Variants in SEC14L3 observed in about 807,000 individuals in gnomAD.
The protein encoded by SEC14L3 is SEC14 like lipid binding 3, also known as SEC14-like protein 3.
Under a neutral mutation model 57.4 loss-of-function variants are expected in SEC14L3, and 56 were observed. The ratio of observed to expected loss-of-function variants is 0.97; its 90% CI spans 0.79 to 1.22. The LOEUF (loss-of-function observed/expected upper bound fraction) is 1.22, where lower values mean the gene tolerates loss of function less well. Among genes scored for constraint, SEC14L3 ranks in the 50% most tolerant of loss-of-function variants. The pLI, the probability that SEC14L3 is intolerant of heterozygous loss-of-function variation, is 0.00. For missense variants in SEC14L3, 485 were observed against 511.7 expected (o/e 0.95, Z 0.50); for synonymous variants, 173 against 194.4 (o/e 0.89, Z 0.92).
intron 12 of SEC14L3, among the ~76,000 whole-genome samples, chr22:30,450,381 C>T (rs1454807986): frequency 6.6e-6 from 1 of 152,138 alleles, no homozygotes; most frequent in Non-Finnish European, 1.5e-5. Context: ...TCTTGGCTCA[C>T]TACAACCTCC....
At chr22:30,464,960 T>A in intron 7 of SEC14L3, 57 bp from the exon 8 acceptor site, 1 of 1,611,078 alleles carries the variant, frequency 6.2e-7, no homozygotes, top group Non-Finnish European at 8.5e-7. Flanking sequence ...GGCAACCCCC[T>A]CCATAATGGT....
At chr22:30,457,852 G>T (rs897889404), downstream of SEC14L3, among the ~76,000 whole-genome samples, 1 of 152,142 alleles carries the variant, frequency 6.6e-6, no homozygotes, top group Non-Finnish European at 1.5e-5. Flanking sequence ...GGGGTGAAGA[G>T]GTGACGGGGT....
downstream of SEC14L3, among the ~76,000 whole-genome samples, chr22:30,454,828 A>T (rs1159353026): frequency 8.9e-5 from 3 of 33,768 alleles, no homozygotes; most frequent in Admixed American, 5.2e-4. Flanking sequence ...ATTATAATAT[A>T]ATATATAATA....
intron 6 of SEC14L3, 116 bp downstream of exon 6, chr22:30,466,866 T>C: frequency 1.0e-6 from 1 of 958,276 alleles, no homozygotes; most frequent in Non-Finnish European, 1.5e-6. Flanking sequence ...TGAGTCACAA[T>C]GAGGGAGCCC....
At position 30,460,020 on chromosome 22, in the gene SEC14L3, C is replaced by T. The variant is rs146706174; in HGVS notation, c.*1G>A. ...AGGTCTCTGAGAAATGAGGGAGCCA[C>T]CTAGACAGGGGTGAGCTCCTTATCA... On this transcript the variant is annotated 3_prime_UTR_variant, in exon 12 of 12. Transcript: ENST00000215812. 7.4e-6 allele frequency: 12 copies of T among 1,613,688 alleles called. No individual in the cohort carries two copies. The highest frequency in any genetic ancestry group is 1.0e-5 in the Non-Finnish European group (12 of 1,179,766).
chr22:30,449,278 CAAACAA>C, intron 12 of SEC14L3: 1 of 1,546,532 alleles, frequency 6.5e-7, no homozygotes, highest in Non-Finnish European at 8.7e-7. Context: ...GAAAACAAAA[CAAACAA>C]AAAGAAATGA....
At chr22:30,457,855 G>T (rs149777307), downstream of SEC14L3, among the ~76,000 whole-genome samples, 245 of 152,236 alleles carry the variant, frequency 1.6e-3, 1 homozygote, top group Non-Finnish European at 2.9e-3. Flanking sequence ...GTGAAGAGGT[G>T]ACGGGGTAAG....
downstream of SEC14L3, among the ~76,000 whole-genome samples, chr22:30,455,128 T>A (rs192164755): frequency 5.2e-5 from 5 of 95,680 alleles, no homozygotes; most frequent in Admixed American, 5.1e-4. Context: ...TTAATATATA[T>A]TATATTTAAT....
intron 12 of SEC14L3, among the ~76,000 whole-genome samples, chr22:30,452,005 A>G (rs1164830858): frequency 1.4e-5 from 2 of 143,022 alleles, no homozygotes; most frequent in African/African-American, 2.6e-5. Flanking sequence ...AAAAAAAAAA[A>G]AAAAGAAAAA....
In SEC14L3 at chr22:30,460,091, C is replaced by T. The variant is rs901122215; in HGVS notation, c.1133G>A (p.Ser378Asn). 1.5e-5 allele frequency: 24 copies of T among 1,614,068 alleles called. No homozygotes were observed. The highest frequency in any genetic ancestry group is 2.0e-5 in the Non-Finnish European group (24 of 1,180,034). Reference protein sequence around the residue: ...TYSFVHAKKVSFTVEVLLPDE... With the variant: ...TYSFVHAKKVNFTVEVLLPDE... ...AGGGAGCAGGACCTCCACTGTGAAG[C>T]TGACCTTCTTGGCGTGGACAAAGCT... The change falls in exon 12 of 12, where the codon AGC becomes AAC. Residue 378 changes from serine to asparagine, a missense_variant. By Grantham distance (46) the Ser-to-Asn change is conservative. Transcript: ENST00000215812.
chr22:30,454,658 A>ATATATAATCTATAATATTAT (rs1472082066), downstream of SEC14L3, among the ~76,000 whole-genome samples: 2 of 105,608 alleles, frequency 1.9e-5, no homozygotes, highest in Non-Finnish European at 3.4e-5. Context: ...TAATATTACT[A>ATATATAATCTATAATATTAT]TATATAATCT....
intron 11 of SEC14L3, among the ~76,000 whole-genome samples, chr22:30,460,648 A>G (rs1377113594): frequency 1.3e-5 from 2 of 150,630 alleles, no homozygotes; most frequent in Non-Finnish European, 2.9e-5. Flanking sequence ...AGCCTGACCA[A>G]CATGGAGAAA....
Position 30,459,839 on chromosome 22 carries a change from T to C in SEC14L3, c.*182A>G. On this transcript the variant is annotated 3_prime_UTR_variant, in exon 12 of 12. Coordinates refer to ENST00000215812, the MANE Select transcript of SEC14L3 (RefSeq NM_174975.5). ...GCAACCTTGGTACCCTCCAAGGTTG[T>C]GCCTCTCATACCTTTCTTGATCTGA... 7.5e-7 allele frequency: 1 copy of C among 1,332,332 alleles called. No individual in the cohort carries two copies. The highest frequency in any genetic ancestry group is 1.5e-5 in the African/African-American group (1 of 68,466). 82.5% of individuals were successfully genotyped at this position (1,332,332 alleles called of 1,614,324 possible). A position where few individuals can be genotyped will look rare whatever the true frequency, so the allele number is the denominator to read the frequency against.
chr22:30,468,600 ACCC>A lies in SEC14L3; in HGVS notation c.328_330del (p.Gly110del), dbSNP rs1358310520. On this transcript the variant is annotated inframe_deletion, in exon 5 of 12. Transcript: ENST00000215812. ...TCCTGCTTGGTGACTGAGAAGAGCAACCCCTTGGGATCAAGTGGCCCAATGATG... is the reference window on the plus strand; with the variant it reads ...TCCTGCTTGGTGACTGAGAAGAGCAACTTGGGATCAAGTGGCCCAATGATG... The A allele has an allele frequency of 6.2e-7, 1 of 1,613,516 alleles. No homozygotes were observed. The highest frequency in any genetic ancestry group is 1.7e-5 in the Admixed American group (1 of 59,926).
At chr22:30,466,548 C>T (rs1324048975) in intron 6 of SEC14L3, 154 bp from the exon 7 acceptor site, 2 of 253,192 alleles carry the variant, frequency 7.9e-6, no homozygotes, top group Admixed American at 1.3e-4. Context: ...ACCTTCTCAC[C>T]TCATACTATT....
chr22:30,458,606 C>T (rs1335507018), downstream of SEC14L3, among the ~76,000 whole-genome samples: 1 of 152,130 alleles, frequency 6.6e-6, no homozygotes, highest in Non-Finnish European at 1.5e-5. Flanking sequence ...CCAGGCTGGT[C>T]TAAAACTCCT....
At chr22:30,464,529 C>T (rs779550487) in intron 8 of SEC14L3, among the ~76,000 whole-genome samples, 1 of 152,176 alleles carries the variant, frequency 6.6e-6, no homozygotes, top group Non-Finnish European at 1.5e-5. Context: ...CTCCTGGGCT[C>T]AAGTGATCCT....
At chr22:30,449,765 A>G (rs974931346) in intron 12 of SEC14L3, among the ~76,000 whole-genome samples, 10 of 152,060 alleles carry the variant, frequency 6.6e-5, no homozygotes. Context: ...GGGTTTCACC[A>G]TGTTGGCCAG....
In SEC14L3 at chr22:30,470,455, C is replaced by G. The variant is rs532110011; in HGVS notation, c.130+52G>C. 8 of 1,612,254 alleles carry G rather than the reference C, an allele frequency of 5.0e-6. No individual in the cohort carries two copies. In the African/African-American group the frequency reaches 5.3e-5, roughly 11 times the overall value. On this transcript the variant is annotated intron_variant, in intron 2 of 11. Coordinates refer to ENST00000215812, the MANE Select transcript of SEC14L3 (RefSeq NM_174975.5). Reference sequence around the variant, plus strand: ...TGAGACACTCTGGAGCAGTTGAGACCAGGCCCCTCTTGATGCCCCCTGATC... The same window carrying G: ...TGAGACACTCTGGAGCAGTTGAGACGAGGCCCCTCTTGATGCCCCCTGATC...
Sources: gnomAD v4.1 joint callset for allele counts (sites outside exome capture counted in the v4.1 genomes callset) on GRCh38, gnomAD v4.1.1 for gene constraint, MANE v1.5 for transcripts, NCBI Gene and HGNC (gene_info 2026-07-23, HGNC 2026-07-21) for gene names.